NCEH1: variants seen among roughly 807,000 people sequenced by gnomAD.
The protein encoded by NCEH1 is 2-acetyl MAGE hydrolase.
NCEH1 carries 9 observed loss-of-function variants against 25.4 expected under a neutral mutation model. The observed-to-expected ratio is 0.35, with a 90% CI of 0.21 to 0.62. The LOEUF is 0.62. NCEH1 is among the 20% of genes least tolerant of loss of function. The pLI is 0.72. For synonymous variants in NCEH1, 200 were observed against 199.8 expected (o/e 1.00, Z -0.01); for missense variants, 412 against 501.1 (o/e 0.82, Z 1.70).
At chr3:172,706,900 AGTTTTT>A (rs1576788067) in intron 1 of NCEH1, among the ~76,000 whole-genome samples, 1 of 152,248 alleles carries the variant, frequency 6.6e-6, no homozygotes, top group East Asian at 1.9e-4. Context: ...AAGTTCAACA[AGTTTTT>A]GTTTTTTTTC....
chr3:172,657,712 A>C (rs1717765671), intron 1 of NCEH1, among the ~76,000 whole-genome samples: 1 of 152,150 alleles, frequency 6.6e-6, no homozygotes, highest in African/African-American at 2.4e-5. Context: ...TTCTTACAGG[A>C]AAAAAAGAAA....
chr3:172,701,506 G>A (rs1713681528), intron 1 of NCEH1, among the ~76,000 whole-genome samples: 1 of 143,742 alleles, frequency 7.0e-6, no homozygotes, highest in Admixed American at 7.1e-5. Context: ...CTGGAGTGCA[G>A]TGGTGCAATC....
At position 172,645,636 on chromosome 3, in the gene NCEH1, T is replaced by C. The variant is rs756170904; in HGVS notation, c.424A>G (p.Ile142Val). The C allele has an allele frequency of 1.3e-6, 2 of 1,599,220 alleles. No individual in the cohort carries two copies. The highest frequency in any genetic ancestry group is 1.1e-5 in the South Asian group (1 of 88,180). The change falls in exon 3 of 5, where the codon ATT becomes GTT. Residue 142 changes from isoleucine (I) to valine (V), a missense_variant. Ile to Val is a conservative substitution (Grantham distance 29, BLOSUM62 3). Coordinates refer to ENST00000475381, the MANE Select transcript of NCEH1 (RefSeq NM_020792.6). Reference sequence around the variant, plus strand: ...TTAATTACTTACTCAATGGAAACAATGACAGCATTCAATTCCTCAGCCATT... The same window carrying C: ...TTAATTACTTACTCAATGGAAACAACGACAGCATTCAATTCCTCAGCCATT... ...TAMAEELNAV[I>V]VSIEYRLVPK...
chr3:172,636,109 TC>T (rs1560177459), intron 3 of NCEH1, 22 bp from the exon 4 acceptor site: 2 of 1,596,006 alleles, frequency 1.3e-6, no homozygotes, highest in Non-Finnish European at 8.6e-7. Flanking sequence ...AAAGTTGTAT[TC>T]ATTTAAGGCC....
chr3:172,633,544 C>G lies in NCEH1; in HGVS notation c.1158G>C (p.Trp386Cys). Residue 386 changes from tryptophan to cysteine, a missense_variant, in exon 5 of 5, where the codon TGG becomes TGC. Trp to Cys is a radical substitution (Grantham distance 215). This residue lies in a region of NCEH1 where 210 missense variants were observed against 258.2 expected (regional missense o/e 0.81). Coordinates refer to ENST00000475381, the MANE Select transcript of NCEH1 (RefSeq NM_020792.6). ...GGATTCCCACTGAGAAGTTGGTGGG[C>G]CAGCTAGTGAAAATCATACATCCGT... ...GFHGCMIFTSWPTNFSVGIRT... is the reference protein window; with the variant it reads ...GFHGCMIFTSCPTNFSVGIRT... The G allele has an allele frequency of 1.2e-6, 2 of 1,613,994 alleles. No individual in the cohort carries two copies. The highest frequency in any genetic ancestry group is 8.5e-7 in the Non-Finnish European group (1 of 1,179,896).
At chr3:172,640,884 C>T (rs1045190435) in intron 3 of NCEH1, among the ~76,000 whole-genome samples, 4 of 152,126 alleles carry the variant, frequency 2.6e-5, no homozygotes, top group African/African-American at 9.7e-5. Context: ...TCACTGCAGC[C>T]TCAAATTCCT....
At chr3:172,679,016 T>G (rs1177200462) in intron 1 of NCEH1, among the ~76,000 whole-genome samples, 1 of 152,266 alleles carries the variant, frequency 6.6e-6, no homozygotes, top group African/African-American at 2.4e-5. Context: ...GCATCCACCC[T>G]ACTGCTGTGT....
At position 172,631,411 on chromosome 3, in the gene NCEH1, G is replaced by A. The variant is rs1224523936; in HGVS notation, c.*2064C>T. On this transcript the variant is annotated 3_prime_UTR_variant, in exon 5 of 5. Coordinates refer to ENST00000475381, the MANE Select transcript of NCEH1 (RefSeq NM_020792.6). ...TTTTTTTTAGGAAAAAAAGACCTTC[G>A]ATGATGCAGGTGTCTGTGTATAAGG... 6.6e-6 allele frequency: 1 copy of A among 151,902 alleles called. No homozygotes were observed. The allele number at this position is 151,902 out of a possible 1,614,324, so 9.4% of individuals were successfully genotyped here.
At chr3:172,705,447 T>C (rs955483873) in intron 1 of NCEH1, among the ~76,000 whole-genome samples, 11 of 152,202 alleles carry the variant, frequency 7.2e-5, no homozygotes, top group African/African-American at 2.4e-4. Flanking sequence ...TACAGGGGAT[T>C]GAGGCCCTGA....
intron 3 of NCEH1, among the ~76,000 whole-genome samples, chr3:172,637,690 A>G (rs1716655636): frequency 6.6e-6 from 1 of 152,170 alleles, no homozygotes; most frequent in African/African-American, 2.4e-5. Flanking sequence ...GGAGTTCGAG[A>G]CCAGCCTGAC....
At chr3:172,653,735 G>GTTTTTTTTTTTTTTTTTTTTTTTT (rs1553830302) in intron 1 of NCEH1, among the ~76,000 whole-genome samples, 7 of 71,026 alleles carry the variant, frequency 9.9e-5, no homozygotes, top group African/African-American at 2.5e-4. Flanking sequence ...TTGTTGTTCT[G>GTTTTTTTTTTTTTTTTTTTTTTTT]TTTTTTTTGT....
intron 1 of NCEH1, among the ~76,000 whole-genome samples, chr3:172,690,728 G>A (rs918163709): frequency 3.3e-5 from 5 of 152,022 alleles, no homozygotes; most frequent in Admixed American, 2.6e-4. Flanking sequence ...TACAAAAGAT[G>A]GAAATAATAT....
intron 3 of NCEH1, 107 bp downstream of exon 3, chr3:172,645,516 T>G: frequency 1.5e-6 from 1 of 648,308 alleles, no homozygotes. Context: ...CTTTGCCAAC[T>G]TGAGACCTTT....
At chr3:172,695,789 C>T (rs1180837600) in intron 1 of NCEH1, among the ~76,000 whole-genome samples, 3 of 151,738 alleles carry the variant, frequency 2.0e-5, no homozygotes, top group Non-Finnish European at 2.9e-5. Flanking sequence ...ACTGAAAATA[C>T]AAAAATTAGC....
intron 1 of NCEH1, among the ~76,000 whole-genome samples, chr3:172,661,811 C>T (rs994419213): frequency 4.0e-5 from 6 of 151,738 alleles, no homozygotes; most frequent in African/African-American, 1.2e-4. Flanking sequence ...GTGATTTTTG[C>T]ACATTGATTT....
chr3:172,649,178 T>TAC (rs1717274458), intron 1 of NCEH1, among the ~76,000 whole-genome samples: 1 of 152,192 alleles, frequency 6.6e-6, no homozygotes, highest in African/African-American at 2.4e-5. Context: ...CTGAGCCCTT[T>TAC]ACCCCAGTGT....
chr3:172,689,642 C>T (rs1422867484), intron 1 of NCEH1, among the ~76,000 whole-genome samples: 2 of 22,522 alleles, frequency 8.9e-5, no homozygotes, highest in East Asian at 1.6e-3. Context: ...CGCCAGGAGG[C>T]GGAGATTGCA....
intron 1 of NCEH1, among the ~76,000 whole-genome samples, chr3:172,690,564 T>C (rs766527043): frequency 6.6e-6 from 1 of 152,220 alleles, no homozygotes; most frequent in Non-Finnish European, 1.5e-5. Flanking sequence ...GTAGTTCTAC[T>C]TTTTAGGAAT....
At chr3:172,691,610 A>G (rs192786446) in intron 1 of NCEH1, among the ~76,000 whole-genome samples, 1 of 152,312 alleles carries the variant, frequency 6.6e-6, no homozygotes, top group Admixed American at 6.5e-5. Flanking sequence ...AGGAGTAATT[A>G]AACAAATCCA....
Sources: allele counts gnomAD v4.1 joint callset (sites outside exome capture counted in the v4.1 genomes callset), GRCh38; gene constraint gnomAD v4.1.1; regional missense constraint gnomAD v4.1.1; transcripts MANE v1.5; gene names NCBI Gene and HGNC (gene_info 2026-07-23, HGNC 2026-07-21).